TMOD1: variants seen among roughly 807,000 people sequenced by gnomAD.
The protein encoded by TMOD1 is tropomodulin-1.
TMOD1 carries 17 observed loss-of-function variants against 40.6 expected under a neutral mutation model. The ratio of observed to expected loss-of-function variants is 0.42; its 90% CI spans 0.29 to 0.63. The LOEUF (loss-of-function observed/expected upper bound fraction) is 0.63. Ranked by LOEUF, TMOD1 falls within the 20% of genes least tolerant of loss-of-function variation. The pLI, the probability that TMOD1 is intolerant of heterozygous loss-of-function variation, is 0.22. For missense variants in TMOD1, 391 were observed against 447.6 expected (o/e 0.87, Z 1.14); for synonymous variants, 181 against 175.0 (o/e 1.03, Z -0.27).
intron 3 of TMOD1, among the ~76,000 whole-genome samples, chr9:97,549,336 A>G (rs948194964): frequency 1.3e-5 from 2 of 152,162 alleles, no homozygotes; most frequent in South Asian, 4.1e-4. Context: ...AGCTCCAGCC[A>G]TCACATTCAC....
At chr9:97,567,478 G>C (rs571285570) in intron 7 of TMOD1, among the ~76,000 whole-genome samples, 2 of 152,298 alleles carry the variant, frequency 1.3e-5, no homozygotes, top group East Asian at 3.9e-4. Context: ...TCCTCCACTG[G>C]GACCCAGCAT....
Position 97,594,082 on chromosome 9 carries a change from G to A in TMOD1, c.1015+2647G>A, listed in dbSNP as rs1430998816. Among the ~76,000 whole-genome samples the A allele has an allele frequency of 3.9e-5, 6 of 152,166 alleles. No homozygotes were observed. In the South Asian group the frequency reaches 1.2e-3, roughly 31 times the overall value. ...CAAGCTCAGGGGCCTGGCGATGGAA[G>A]CAGGTGGGAAGCAGAGACCGTGGCA... On this transcript the variant is annotated intron_variant, in intron 9 of 9. Coordinates refer to ENST00000259365, the MANE Select transcript of TMOD1 (RefSeq NM_003275.4).
At chr9:97,545,614 GTCC>G in intron 2 of TMOD1, among the ~76,000 whole-genome samples, 1 of 152,294 alleles carries the variant, frequency 6.6e-6, no homozygotes, top group Admixed American at 6.5e-5. Flanking sequence ...AGCATGCCCC[GTCC>G]TCCTCTTAGC....
intron 1 of TMOD1, among the ~76,000 whole-genome samples, chr9:97,512,251 G>C (rs974811900): frequency 3.3e-5 from 5 of 152,244 alleles, no homozygotes; most frequent in African/African-American, 1.2e-4. Flanking sequence ...TGGCTAACAG[G>C]AAGGTGCTGA....
intron 1 of TMOD1, among the ~76,000 whole-genome samples, chr9:97,514,242 G>C (rs1283844487): frequency 3.0e-5 from 3 of 99,966 alleles, no homozygotes; most frequent in African/African-American, 1.0e-4. Flanking sequence ...TTTTTTTTTG[G>C]GGGGGGGGTT....
At position 97,599,904 on chromosome 9, in the gene TMOD1, G is replaced by A. The variant is rs1207292022; in HGVS notation, c.*206G>A. 5 of 1,348,356 alleles carry A rather than the reference G, an allele frequency of 3.7e-6. No homozygotes were observed. The highest frequency in any genetic ancestry group is 1.7e-5 in the South Asian group (1 of 58,010). 83.5% of individuals were successfully genotyped at this position (1,348,356 alleles called of 1,614,324 possible). A position where few individuals can be genotyped will look rare whatever the true frequency, so the allele number is the denominator to read the frequency against. ...AATGTGAAGTTTTTCTTTAGTCACAGAAGTTGAATCTGGTTATTATTTAAA... is the reference window on the plus strand; with the variant it reads ...AATGTGAAGTTTTTCTTTAGTCACAAAAGTTGAATCTGGTTATTATTTAAA... On this transcript the variant is annotated 3_prime_UTR_variant, in exon 10 of 10. Transcript: ENST00000259365.
chr9:97,531,042 C>A (rs561944752), intron 2 of TMOD1, among the ~76,000 whole-genome samples: 1 of 138,424 alleles, frequency 7.2e-6, no homozygotes, highest in South Asian at 2.5e-4. Flanking sequence ...CACCCACCCC[C>A]CCCACCACCC....
In TMOD1 at chr9:97,596,869, T is replaced by C. The variant is rs371138334; in HGVS notation, c.1016-2765T>C. On this transcript the variant is annotated intron_variant, in intron 9 of 9. Transcript: ENST00000259365. Reference sequence around the variant, plus strand: ...TGGGAAGGTCTGACCACTTCATTCTTTATGCCTCTCATACCTCAGAGAGCT... The same window carrying C: ...TGGGAAGGTCTGACCACTTCATTCTCTATGCCTCTCATACCTCAGAGAGCT... 1.1e-4 allele frequency among the ~76,000 whole-genome samples: 17 copies of C among 152,372 alleles called. No individual in the cohort carries two copies. The South Asian group carries it at 2.5e-3, about 22-fold the overall frequency.
chr9:97,565,116 C>T (rs1055043475), intron 6 of TMOD1, among the ~76,000 whole-genome samples: 1 of 152,208 alleles, frequency 6.6e-6, no homozygotes, highest in African/African-American at 2.4e-5. Flanking sequence ...CAGAATGCTG[C>T]CCACTGGCAG....
At chr9:97,572,988 G>C (rs1247387779) in intron 8 of TMOD1, among the ~76,000 whole-genome samples, 1 of 152,226 alleles carries the variant, frequency 6.6e-6, no homozygotes, top group African/African-American at 2.4e-5. Context: ...ATCTAGCCCA[G>C]TCCTCCTTTC....
chr9:97,562,649 G>T, intron 4 of TMOD1, 83 bp from the exon 5 acceptor site: 2 of 980,174 alleles, frequency 2.0e-6, no homozygotes, highest in Admixed American at 3.0e-5. Context: ...GTGAGCCAGA[G>T]TTCCCGGGGT....
chr9:97,545,348 G>A (rs888925595), intron 2 of TMOD1, among the ~76,000 whole-genome samples: 1 of 152,198 alleles, frequency 6.6e-6, no homozygotes, highest in Admixed American at 6.5e-5. Context: ...CTAAGGTACT[G>A]GGGGCTGAGT....
chr9:97,576,800 ATT>A (rs577416201), intron 8 of TMOD1, among the ~76,000 whole-genome samples: 1 of 146,688 alleles, frequency 6.8e-6, no homozygotes, highest in African/African-American at 2.5e-5. Context: ...CGTCCAGCTA[ATT>A]TTTTTTTTTG....
Position 97,591,391 on chromosome 9 carries a change from C to A in TMOD1, c.971C>A (p.Pro324His). 1 of 1,614,192 alleles carries A rather than the reference C, an allele frequency of 6.2e-7. No individual in the cohort carries two copies. The highest frequency in any genetic ancestry group is 8.5e-7 in the Non-Finnish European group (1 of 1,180,036). ...GGCTACCACTTTACCCAGCAAGGAC[C>A]CCGGCTTCGGGCATCCAACGCAATG... ...KFGYHFTQQG[P>H]RLRASNAMMN... Residue 324 changes from proline (P) to histidine (H), a missense_variant, in exon 9 of 10, where the codon CCC becomes CAC. Physicochemically the swap from Pro to His is moderately conservative, Grantham distance 77. Transcript: ENST00000259365.
intron 2 of TMOD1, among the ~76,000 whole-genome samples, chr9:97,543,600 T>C (rs1195205572): frequency 5.3e-5 from 8 of 152,248 alleles, no homozygotes; most frequent in Admixed American, 1.3e-4. Context: ...CCCAAGATTG[T>C]GTAGTTGTAT....
At chr9:97,580,326 G>A (rs1178522527) in intron 8 of TMOD1, among the ~76,000 whole-genome samples, 2 of 152,200 alleles carry the variant, frequency 1.3e-5, no homozygotes, top group African/African-American at 2.4e-5. Context: ...ATACAGAGGA[G>A]CCGAGTGCAG....
intron 1 of TMOD1, among the ~76,000 whole-genome samples, chr9:97,522,241 C>T (rs1374868211): frequency 6.6e-6 from 1 of 152,188 alleles, no homozygotes; most frequent in Non-Finnish European, 1.5e-5. Context: ...CCTTCTGGGG[C>T]TGCCTTCTGG....
chr9:97,586,507 C>T (rs1376338331), intron 8 of TMOD1, among the ~76,000 whole-genome samples: 1 of 151,822 alleles, frequency 6.6e-6, no homozygotes, highest in Non-Finnish European at 1.5e-5. Flanking sequence ...GGCAGGCAGG[C>T]CTCCTTGAGC....
Position 97,600,772 on chromosome 9 carries a change from T to G in TMOD1, c.*1074T>G. On this transcript the variant is annotated 3_prime_UTR_variant, in exon 10 of 10. Transcript: ENST00000259365. ...AAATCCTGGCCAAACCACCCCAAGA[T>G]GATTACACTGAAATGTAGTATTAGT... The G allele has an allele frequency of 9.9e-7, 1 of 1,012,456 alleles. No individual in the cohort carries two copies. Among genetic ancestry groups the G allele is most frequent in the Non-Finnish European group, 1.2e-6 (1 of 845,832 alleles). The allele number at this position is 1,012,456 out of a possible 1,614,324, so 62.7% of individuals were successfully genotyped here.
Sources: gnomAD v4.1 joint callset for allele counts (sites outside exome capture counted in the v4.1 genomes callset) on GRCh38, gnomAD v4.1.1 for gene constraint, MANE v1.5 for transcripts, NCBI Gene and HGNC (gene_info 2026-07-23, HGNC 2026-07-21) for gene names.